The following AP1M1 variants were observed in gnomAD, a reference collection of about 807,000 sequenced individuals.
The protein encoded by AP1M1 is adaptor related protein complex 1 subunit mu 1.
AP1M1 carries 18 observed loss-of-function variants against 57.1 expected under a neutral mutation model. That is an observed-to-expected ratio of 0.32 (90% CI 0.22 to 0.47). The LOEUF (loss-of-function observed/expected upper bound fraction) is 0.47, where lower values mean the gene tolerates loss of function less well. AP1M1 is among the 20% of genes least tolerant of loss of function. The pLI is 1.00. For synonymous variants in AP1M1, 241 were observed against 237.9 expected, an observed-to-expected ratio of 1.01 and a Z score of -0.12; for missense variants, 362 against 593.5, an observed-to-expected ratio of 0.61 and a Z score of 4.05.
chr19:16,228,670 G>C lies in AP1M1; in HGVS notation c.889-100G>C. On this transcript the variant is annotated intron_variant, in intron 8 of 11. Transcript: ENST00000291439. The surrounding 1 kb of genome is among the most constrained non-coding windows in gnomAD (Gnocchi z 5.0). ...GAAGTGGGGCCAGGGGCGGGGCTAG[G>C]GAGGATCCCCCGGGCCAGGCTGAGG... 1.4e-6 allele frequency: 2 copies of C among 1,406,314 alleles called. No individual in the cohort carries two copies. The highest frequency in any genetic ancestry group is 1.9e-4 in the Middle Eastern group (1 of 5,168). The allele number at this position is 1,406,314 out of a possible 1,614,324, so 87.1% of individuals were successfully genotyped here.
At chr19:16,222,776 T>G (rs2091551924) in intron 5 of AP1M1, among the ~76,000 whole-genome samples, 1 of 151,878 alleles carries the variant, frequency 6.6e-6, no homozygotes, top group Admixed American at 6.6e-5. Flanking sequence ...CCTGGCTAAT[T>G]TTTTTTTATT....
intron 5 of AP1M1, chr19:16,210,350 A>G (rs1261333379): frequency 5.6e-6 from 4 of 717,630 alleles, no homozygotes; most frequent in South Asian, 3.0e-5. Flanking sequence ...ATAAGTTTTC[A>G]TCTCTCTAGG....
At position 16,199,565 on chromosome 19, in the gene AP1M1, G is replaced by A. The variant is rs1208996651; in HGVS notation, c.42+1497G>A. ...GGGGTGAGCCCTAAAGCAGCTGAGA[G>A]TGAAGAGGTGAAATGGCTGCCCCTT... is the stretch of plus-strand genomic sequence containing the variant. On this transcript the variant is annotated intron_variant, in intron 1 of 11. Coordinates refer to ENST00000291439, the MANE Select transcript of AP1M1 (RefSeq NM_032493.4). Among the ~76,000 whole-genome samples, 3 of 152,180 alleles carry A rather than the reference G, an allele frequency of 2.0e-5. No homozygotes were observed. In the East Asian group the frequency reaches 5.8e-4, roughly 29 times the overall value.
At chr19:16,229,994 C>G (rs970320583) in intron 9 of AP1M1, among the ~76,000 whole-genome samples, 2 of 152,178 alleles carry the variant, frequency 1.3e-5, no homozygotes, top group African/African-American at 4.8e-5. Context: ...TCCTCTTTTC[C>G]TGCAATTCCA....
At position 16,209,114 on chromosome 19, in the gene AP1M1, C is replaced by T. The variant is rs1568349081; in HGVS notation, c.483C>T (p.Ser161=). Residue 161 remains serine, a synonymous_variant, in exon 5 of 12, where the codon TCC becomes TCT. Coordinates refer to ENST00000291439, the MANE Select transcript of AP1M1 (RefSeq NM_032493.4). ...ATVTNAVSWR[S]EGIKYRKNEV... ...TCACCAACGCGGTGTCCTGGCGGTC[C>T]GAAGGCATCAAGTATCGGAAGAATG... The T allele has an allele frequency of 1.2e-5, 19 of 1,614,098 alleles. No homozygotes were observed. The highest frequency in any genetic ancestry group is 1.7e-5 in the Admixed American group (1 of 60,012).
chr19:16,228,749 C>A lies in AP1M1; in HGVS notation c.889-21C>A. 1 of 1,612,724 alleles carries A rather than the reference C, an allele frequency of 6.2e-7. No individual in the cohort carries two copies. ...TCACCTTGGCCTCCATAACCCCGGG[C>A]CGCATTGGCCTGGCCTGCAGGCCAA... On this transcript the variant is annotated intron_variant, in intron 8 of 11. Coordinates refer to ENST00000291439, the MANE Select transcript of AP1M1 (RefSeq NM_032493.4). The surrounding 1 kb of genome is among the most constrained non-coding windows in gnomAD (Gnocchi z 5.0).
chr19:16,198,333 T>G, intron 1 of AP1M1: 3 of 238,968 alleles, frequency 1.3e-5, no homozygotes, highest in South Asian at 1.3e-4. Flanking sequence ...CGCCCTCTGC[T>G]CCCCGGCGCC....
In AP1M1 at chr19:16,228,217, G is replaced by T; in HGVS notation, c.888+9G>T. ...TCGAGTACATGATCAAGGTGCGTGG[G>T]CCGAGGCCACCCACTGAGGGCCTTC... On this transcript the variant is annotated intron_variant, in intron 8 of 11. Coordinates refer to ENST00000291439, the MANE Select transcript of AP1M1 (RefSeq NM_032493.4). This position sits in a 1 kb window ranked among gnomAD's most constrained non-coding sequence, Gnocchi z 5.0. 1 of 1,613,060 alleles carries T rather than the reference G, an allele frequency of 6.2e-7. No homozygotes were observed. Among genetic ancestry groups the T allele is most frequent in the Non-Finnish European group, 8.5e-7 (1 of 1,179,924 alleles).
At position 16,239,262 on chromosome 19, in the gene AP1M1, T is replaced by C. The variant is rs1159115335; in HGVS notation, c.*4827T>C. 3 of 121,076 alleles carry C rather than the reference T, an allele frequency of 2.5e-5. No homozygotes were observed. The South Asian group carries it at 8.8e-4, about 35-fold the overall frequency. The allele number at this position is 121,076 out of a possible 1,614,324, so 7.5% of individuals were successfully genotyped here. A position where few individuals can be genotyped will look rare whatever the true frequency, so the allele number is the denominator to read the frequency against. On this transcript the variant is annotated 3_prime_UTR_variant, in exon 12 of 12. Coordinates refer to ENST00000291439, the MANE Select transcript of AP1M1 (RefSeq NM_032493.4). ...CTCTTTTTTTTTTTTTTTTTTTTTT[T>C]TTTTTTTTTTTTTTTTTAAGACTGC...
At position 16,227,713 on chromosome 19, in the gene AP1M1, G is replaced by A. The variant is rs765452018; in HGVS notation, c.816+23G>A. On this transcript the variant is annotated intron_variant, in intron 7 of 11. Transcript: ENST00000291439. This position sits in a 1 kb window ranked among gnomAD's most constrained non-coding sequence, Gnocchi z 6.2. ...CACGTGAGTGCGCCACCCTGGGGCT[G>A]GGCTGTCGGCAGACTCCTCCTCCCC... 6.2e-7 allele frequency: 1 copy of A among 1,608,230 alleles called. No homozygotes were observed. The highest frequency in any genetic ancestry group is 8.5e-7 in the Non-Finnish European group (1 of 1,175,992).
Position 16,239,450 on chromosome 19 carries a change from T to C in AP1M1, c.*5015T>C. 1 of 150,576 alleles carries C rather than the reference T, an allele frequency of 6.6e-6. No individual in the cohort carries two copies. The highest frequency in any genetic ancestry group is 2.4e-5 in the African/African-American group (1 of 40,916). The allele number at this position is 150,576 out of a possible 1,614,324, so 9.3% of individuals were successfully genotyped here. A position where few individuals can be genotyped will look rare whatever the true frequency, so the allele number is the denominator to read the frequency against. ...ACCCCCCAAAAATGACAATGCAGAT[T>C]TGGAAGAAAAAAATAGATTAAAAAT... On this transcript the variant is annotated 3_prime_UTR_variant, in exon 12 of 12. Coordinates refer to ENST00000291439, the MANE Select transcript of AP1M1 (RefSeq NM_032493.4).
chr19:16,230,110 C>T (rs1486744947), intron 9 of AP1M1, among the ~76,000 whole-genome samples: 1 of 152,194 alleles, frequency 6.6e-6, no homozygotes, highest in Non-Finnish European at 1.5e-5. Flanking sequence ...GGCTAAGGGC[C>T]GAGACACAGG....
At chr19:16,210,300 A>C (rs1454859808) in intron 5 of AP1M1, 2 of 692,644 alleles carry the variant, frequency 2.9e-6, no homozygotes, top group East Asian at 2.7e-5. Flanking sequence ...TTGTCAATAG[A>C]GTTGCTAGAA....
At chr19:16,226,654 G>A in intron 6 of AP1M1, 107 bp downstream of exon 6, 1 of 1,389,404 alleles carries the variant, frequency 7.2e-7, no homozygotes, top group Non-Finnish European at 9.6e-7. Flanking sequence ...CTGGTTTCAA[G>A]CACTTGGTTG....
intron 1 of AP1M1, among the ~76,000 whole-genome samples, chr19:16,199,925 G>T (rs113184319): frequency 6.6e-6 from 1 of 152,140 alleles, no homozygotes; most frequent in Non-Finnish European, 1.5e-5. Context: ...GTCCATTGGC[G>T]CCATGGCTGT....
rs757309554 is a variant in AP1M1, at chr19:16,237,060, A to AT, written c.*2625_*2626insT. 1.3e-5 allele frequency: 2 copies of AT among 152,264 alleles called. No individual in the cohort carries two copies. The highest frequency in any genetic ancestry group is 2.4e-5 in the African/African-American group (1 of 41,462). 9.4% of individuals were successfully genotyped at this position (152,264 alleles called of 1,614,324 possible). On this transcript the variant is annotated 3_prime_UTR_variant, in exon 12 of 12. Coordinates refer to ENST00000291439, the MANE Select transcript of AP1M1 (RefSeq NM_032493.4). ...GGCAAATAATTTGCATGCGGGTTAT[A>AT]ACGTCTACAAATCAGAAAAAGAGAA...
rs762106411 is a variant in AP1M1 at position 16,198,086 on chromosome 19, C to T, written c.42+18C>T. 1.3e-6 allele frequency: 2 copies of T among 1,594,250 alleles called. No individual in the cohort carries two copies. Among genetic ancestry groups the T allele is most frequent in the South Asian group, 1.1e-5 (1 of 89,246 alleles). ...AGGGCAAGGTACTGAGGGCTCCCCA[C>T]CCTCCCTGTTGCCAGGCAACCGGCA... On this transcript the variant is annotated intron_variant, in intron 1 of 11. Coordinates refer to ENST00000291439, the MANE Select transcript of AP1M1 (RefSeq NM_032493.4).
chr19:16,224,965 G>GGAGAGA (rs149226419), intron 5 of AP1M1, among the ~76,000 whole-genome samples: 2 of 151,382 alleles, frequency 1.3e-5, no homozygotes, highest in African/African-American at 2.4e-5. Context: ...CCCCCAGCAG[G>GGAGAGA]GAGAGAGAGA....
intron 5 of AP1M1, among the ~76,000 whole-genome samples, chr19:16,212,909 G>A (rs990124770): frequency 2.0e-4 from 31 of 152,244 alleles, no homozygotes; most frequent in African/African-American, 7.5e-4. Flanking sequence ...ATGGGTTTGA[G>A]TGATTTTCTT....
Sources: gnomAD v4.1 joint callset for allele counts (sites outside exome capture counted in the v4.1 genomes callset) on GRCh38, gnomAD v4.1.1 for gene constraint, Gnocchi (gnomAD v3.1) non-coding constraint, MANE v1.5 for transcripts, NCBI Gene and HGNC (gene_info 2026-07-23, HGNC 2026-07-21) for gene names.